EPM2A: variants seen among roughly 807,000 people sequenced by gnomAD.
EPM2A encodes the protein EPM2A glucan phosphatase, laforin.
EPM2A carries 21 observed loss-of-function variants against 26.5 expected under a neutral mutation model. The ratio of observed to expected loss-of-function variants is 0.79; its 90% CI spans 0.56 to 1.14. The LOEUF (loss-of-function observed/expected upper bound fraction) is 1.14. Among genes scored for constraint, EPM2A ranks in the 50% most tolerant of loss-of-function variants. The probability of loss-of-function intolerance (pLI) is 0.00; values close to 1 mark genes in which losing one functional copy is unlikely to be tolerated. For missense variants in EPM2A, 458 were observed against 440.8 expected, an observed-to-expected ratio of 1.04 and a Z score of -0.35; for synonymous variants, 217 against 177.6, an observed-to-expected ratio of 1.22 and a Z score of -1.76.
At chr6:145,405,332 T>C (rs1291007547) in intron 4 of EPM2A, among the ~76,000 whole-genome samples, 1 of 152,266 alleles carries the variant, frequency 6.6e-6, no homozygotes, top group East Asian at 1.9e-4. Context: ...GTCTTCTTCC[T>C]GAACTGAATG....
chr6:145,701,489 TTTTCATGAG>T, intron 1 of EPM2A, among the ~76,000 whole-genome samples: 3 of 152,308 alleles, frequency 2.0e-5, no homozygotes, highest in Middle Eastern at 6.8e-3. Flanking sequence ...CCTTTGTTCC[TTTTCATGAG>T]AAAAGCAAAA....
intron 1 of EPM2A, among the ~76,000 whole-genome samples, chr6:145,690,025 C>T (rs1462927889): frequency 2.0e-5 from 3 of 152,078 alleles, no homozygotes; most frequent in South Asian, 2.1e-4. Context: ...AGGCATTCCT[C>T]CCTGTCTCAG....
chr6:145,495,117 C>T (rs1779800087), intron 4 of EPM2A, among the ~76,000 whole-genome samples: 1 of 152,124 alleles, frequency 6.6e-6, no homozygotes, highest in Admixed American at 6.5e-5. Context: ...GTGTAGGAGT[C>T]TAAGTCTCTT....
intron 4 of EPM2A, among the ~76,000 whole-genome samples, chr6:145,456,187 C>T (rs1182694766): frequency 6.6e-6 from 1 of 152,130 alleles, no homozygotes; most frequent in Non-Finnish European, 1.5e-5. Context: ...GGTGAATTTA[C>T]TGCTATGATA....
intron 4 of EPM2A, among the ~76,000 whole-genome samples, chr6:145,494,327 A>G (rs536927339): frequency 7.2e-5 from 11 of 152,076 alleles, no homozygotes; most frequent in Non-Finnish European, 1.2e-4. Context: ...TTCAGTGGTA[A>G]TATCCCCTTT....
chr6:145,518,464 G>A (rs1198612278), intron 2 of EPM2A, among the ~76,000 whole-genome samples: 3 of 152,024 alleles, frequency 2.0e-5, no homozygotes, highest in Non-Finnish European at 4.4e-5. Flanking sequence ...CTCCAGTACA[G>A]CAGATGTGCA....
In EPM2A at chr6:145,571,700, G is replaced by A. The variant is rs182384550; in HGVS notation, c.340+63545C>T. On this transcript the variant is annotated intron_variant, in intron 2 of 3. Transcript: ENST00000450221. The stretch of plus-strand genomic sequence containing the variant: ...GCAAATCGGGCACTCAGCAGTGGCC[G>A]TAGCCAGGTCAGCCTTGGTGAGTGG... 2.3e-3 allele frequency among the ~76,000 whole-genome samples: 346 copies of A among 152,312 alleles called. 1 individual carries two copies. The highest frequency in any genetic ancestry group is 7.5e-3 in the African/African-American group (311 of 41,580).
At chr6:145,390,893 A>G (rs1228527005) in intron 4 of EPM2A, among the ~76,000 whole-genome samples, 1 of 152,118 alleles carries the variant, frequency 6.6e-6, no homozygotes, top group East Asian at 1.9e-4. Flanking sequence ...TGCAATTCCT[A>G]GGAAAGAGAT....
intron 4 of EPM2A, among the ~76,000 whole-genome samples, chr6:145,481,891 C>T (rs1413271175): frequency 6.6e-6 from 1 of 150,472 alleles, no homozygotes; most frequent in African/African-American, 2.4e-5. Flanking sequence ...TTTAGTGAAA[C>T]CATAAACAAC....
At chr6:145,558,675 T>C (rs777402174) in intron 2 of EPM2A, among the ~76,000 whole-genome samples, 2 of 152,114 alleles carry the variant, frequency 1.3e-5, no homozygotes, top group African/African-American at 2.4e-5. Context: ...GTTGGCCATT[T>C]GTACGTGCTT....
intron 2 of EPM2A, 34 bp downstream of exon 2, chr6:145,686,088 A>T (rs1347643853): frequency 5.7e-6 from 9 of 1,578,636 alleles, no homozygotes; most frequent in Non-Finnish European, 7.8e-6. Flanking sequence ...CTCTTGTCCT[A>T]CTTCTATGCC....
intron 2 of EPM2A, among the ~76,000 whole-genome samples, chr6:145,547,170 A>T (rs1780592999): frequency 6.6e-6 from 1 of 152,092 alleles, no homozygotes; most frequent in Non-Finnish European, 1.5e-5. Flanking sequence ...TTCACAACCC[A>T]TCCTAACCTC....
At chr6:145,447,457 G>A (rs1779141422) in intron 4 of EPM2A, among the ~76,000 whole-genome samples, 1 of 151,834 alleles carries the variant, frequency 6.6e-6, no homozygotes, top group African/African-American at 2.4e-5. Flanking sequence ...ATATACATCT[G>A]CTAATTGGTG....
intron 2 of EPM2A, among the ~76,000 whole-genome samples, chr6:145,582,730 G>A (rs1781132279): frequency 6.6e-6 from 1 of 152,192 alleles, no homozygotes; most frequent in Non-Finnish European, 1.5e-5. Flanking sequence ...TTTTGTGGAT[G>A]ACATCTTTTA....
At chr6:145,600,749 A>G (rs551773609) in intron 2 of EPM2A, among the ~76,000 whole-genome samples, 1 of 152,310 alleles carries the variant, frequency 6.6e-6, no homozygotes, top group South Asian at 2.1e-4. Flanking sequence ...CTCCCCAGCA[A>G]CCTGAAGCAC....
At chr6:145,720,055 A>G (rs1775869240) in intron 1 of EPM2A, among the ~76,000 whole-genome samples, 1 of 152,146 alleles carries the variant, frequency 6.6e-6, no homozygotes, top group African/African-American at 2.4e-5. Flanking sequence ...TCTCATCTCT[A>G]GTTAGATTGA....
intron 2 of EPM2A, among the ~76,000 whole-genome samples, chr6:145,535,924 G>A (rs147317380): frequency 6.6e-6 from 1 of 152,290 alleles, no homozygotes; most frequent in African/African-American, 2.4e-5. Context: ...GCTTTGATGT[G>A]TTTAAGGTAG....
intron 2 of EPM2A, among the ~76,000 whole-genome samples, chr6:145,670,598 T>G (rs1583017014): frequency 6.6e-6 from 1 of 152,124 alleles, no homozygotes; most frequent in East Asian, 1.9e-4. Flanking sequence ...AAATGACTCT[T>G]AAGAAACAAG....
At chr6:145,467,902 C>T (rs1239429242) in intron 4 of EPM2A, among the ~76,000 whole-genome samples, 1 of 151,612 alleles carries the variant, frequency 6.6e-6, no homozygotes, top group Non-Finnish European at 1.5e-5. Context: ...TGATTATTAC[C>T]CTATATGGAA....
Sources: allele counts gnomAD v4.1 joint callset (sites outside exome capture counted in the v4.1 genomes callset), GRCh38; gene constraint gnomAD v4.1.1; transcripts MANE v1.5; gene names NCBI Gene and HGNC (gene_info 2026-07-23, HGNC 2026-07-21).